The following SLX4 variants were observed in gnomAD, a reference collection of about 807,000 sequenced individuals.
SLX4 encodes the protein SLX4 structure-specific endonuclease subunit, also known as structure-specific endonuclease subunit SLX4.
A neutral mutation model predicts 146.2 loss-of-function variants in SLX4; 112 were observed. That is an observed-to-expected ratio of 0.77 (90% CI 0.66 to 0.90). The LOEUF (loss-of-function observed/expected upper bound fraction) is 0.90, where lower values mean the gene tolerates loss of function less well. SLX4 is among the 40% of genes least tolerant of loss of function. The pLI, the probability that SLX4 is intolerant of heterozygous loss-of-function variation, is 0.00. For synonymous variants in SLX4, 1,061 were observed against 997.7 expected (o/e 1.06, Z -1.20); for missense variants, 2,563 against 2,392.7 (o/e 1.07, Z -1.49).
rs923921244 is a variant in SLX4 at position 3,609,151 on chromosome 16, C to T, written c.-187G>A. 1 of 636,626 alleles carries T rather than the reference C, an allele frequency of 1.6e-6. No individual in the cohort carries two copies. The highest frequency in any genetic ancestry group is 2.7e-6 in the Non-Finnish European group (1 of 376,376). 39.4% of individuals were successfully genotyped at this position (636,626 alleles called of 1,614,324 possible). ...GGGCGCGGTGGCTCACACTTGTAAT[C>T]CCAGCTCTTTTGGAGGACGAGGCGG... On this transcript the variant is annotated 5_prime_UTR_variant, in exon 2 of 15. Transcript: ENST00000294008.
intron 5 of SLX4, among the ~76,000 whole-genome samples, chr16:3,599,698 C>T (rs1013111723): frequency 7.9e-5 from 12 of 152,144 alleles, no homozygotes; most frequent in Admixed American, 2.0e-4. Context: ...GTGATCCTTC[C>T]GCCTCAGCCT....
chr16:3,606,839 G>A, intron 2 of SLX4, 141 bp from the exon 3 acceptor site: 2 of 857,510 alleles, frequency 2.3e-6, no homozygotes, highest in Admixed American at 2.0e-5. Context: ...GAAGAGGACT[G>A]GTTGCTTGTT....
intron 4 of SLX4, 102 bp from the exon 5 acceptor site, chr16:3,601,293 G>A: frequency 1.6e-6 from 2 of 1,234,994 alleles, no homozygotes; most frequent in Non-Finnish European, 2.4e-6. Flanking sequence ...GTCAAAGCAA[G>A]TTCCCCAAAG....
chr16:3,597,293 C>T lies in SLX4; in HGVS notation c.1683+86G>A. ...CCTTTCCTTCCTGGACTTTCCATCA[C>T]CTGGCTGTGGGTACCCAGTGTTGCA... On this transcript the variant is annotated intron_variant, in intron 7 of 14. Transcript: ENST00000294008. This position sits in a 1 kb window ranked among gnomAD's most constrained non-coding sequence, Gnocchi z 4.4. 7.1e-7 allele frequency: 1 copy of T among 1,412,542 alleles called. No homozygotes were observed. The highest frequency in any genetic ancestry group is 9.4e-7 in the Non-Finnish European group (1 of 1,064,472). 87.5% of individuals were successfully genotyped at this position (1,412,542 alleles called of 1,614,324 possible). A position where few individuals can be genotyped will look rare whatever the true frequency, so the allele number is the denominator to read the frequency against.
chr16:3,589,864 G>C lies in SLX4; in HGVS notation c.3774C>G (p.Pro1258=). The C allele has an allele frequency of 1.9e-6, 3 of 1,613,332 alleles. No homozygotes were observed. The highest frequency in any genetic ancestry group is 2.5e-6 in the Non-Finnish European group (3 of 1,179,962). The change falls in exon 12 of 15, where the codon CCC becomes CCG. Residue 1258 remains proline, a synonymous_variant. Coordinates refer to ENST00000294008, the MANE Select transcript of SLX4 (RefSeq NM_032444.4). This position sits in a 1 kb window ranked among gnomAD's most constrained non-coding sequence, Gnocchi z 6.2. Reference sequence around the variant, plus strand: ...GGCTTCTGCTGGCCAGCGGGGTGGCGGGCACCAGCCACGAGGTGTCTGTGG... The same window carrying C: ...GGCTTCTGCTGGCCAGCGGGGTGGCCGGCACCAGCCACGAGGTGTCTGTGG... ...ASTTDTSWLV[P]ATPLASRSRD... is the part of the protein sequence containing the mutation.
intron 5 of SLX4, among the ~76,000 whole-genome samples, 188 bp from the exon 6 acceptor site, chr16:3,598,187 G>A (rs2040687836): frequency 6.6e-6 from 1 of 152,208 alleles, no homozygotes; most frequent in Admixed American, 6.5e-5. Context: ...AGTTCAACAT[G>A]GCCCAGGCAC....
intron 10 of SLX4, 43 bp from the exon 11 acceptor site, chr16:3,592,908 T>G (rs753345033): frequency 5.1e-6 from 8 of 1,581,430 alleles, no homozygotes; most frequent in Non-Finnish European, 6.9e-6. Flanking sequence ...GATCAGAGAG[T>G]TGTAACTTGG....
At chr16:3,583,537 G>T in intron 13 of SLX4, 27 bp from the exon 14 acceptor site, 1 of 1,613,378 alleles carries the variant, frequency 6.2e-7, no homozygotes, top group South Asian at 1.1e-5. Flanking sequence ...TGGATCTCAG[G>T]ACCCACCCAC....
chr16:3,592,998 C>T, intron 10 of SLX4, 133 bp from the exon 11 acceptor site: 2 of 883,306 alleles, frequency 2.3e-6, no homozygotes, highest in South Asian at 1.8e-5. Context: ...CTCCCCTTGT[C>T]ACCCAGGCTA....
chr16:3,595,462 TG>T (rs1225951034), intron 9 of SLX4, 142 bp downstream of exon 9: 6 of 883,622 alleles, frequency 6.8e-6, no homozygotes, highest in African/African-American at 1.7e-5. Flanking sequence ...TGTCAGGATG[TG>T]GCAGCCTTCT....
rs1258930171 is a variant in SLX4, at chr16:3,608,847, T to C, written c.118A>G (p.Thr40Ala). Reference sequence around the variant, plus strand: ...TCAGACTCATCCATCATCTGACCAGTTTTAAGGCTTTCAGGCTGGTCTTCA... The same window carrying C: ...TCAGACTCATCCATCATCTGACCAGCTTTAAGGCTTTCAGGCTGGTCTTCA... ...SSEDQPESLK[T>A]GQMMDESDED... Residue 40 changes from threonine to alanine, a missense_variant, in exon 2 of 15, where the codon ACT (threonine) becomes GCT (alanine). Transcript: ENST00000294008. 1.2e-6 allele frequency: 2 copies of C among 1,614,068 alleles called. No homozygotes were observed. Among genetic ancestry groups the C allele is most frequent in the Middle Eastern group, 3.3e-4 (2 of 6,060 alleles).
Position 3,590,841 on chromosome 16 carries a change from C to T in SLX4, c.2797G>A (p.Gly933Ser), listed in dbSNP as rs763053373. ...GCTCCCCGTGCCCCTGAGTGCTGGC[C>T]CTGGGGTGGCGGGAGAGCGCACTGT... is the stretch of plus-strand genomic sequence containing the variant. ...MGQCALPPPQ[G>S]QHSGARGAEA... Residue 933 changes from glycine (G) to serine (S), a missense_variant, in exon 12 of 15, where the codon GGC (glycine) becomes AGC (serine). Gly to Ser is a moderately conservative substitution (Grantham distance 56). Transcript: ENST00000294008. This position sits in a 1 kb window ranked among gnomAD's most constrained non-coding sequence, Gnocchi z 4.8. 1.2e-6 allele frequency: 2 copies of T among 1,614,098 alleles called. No homozygotes were observed. Among genetic ancestry groups the T allele is most frequent in the Non-Finnish European group, 1.7e-6 (2 of 1,180,006 alleles).
intron 5 of SLX4, among the ~76,000 whole-genome samples, chr16:3,598,991 C>T (rs2040698440): frequency 6.6e-6 from 1 of 152,230 alleles, no homozygotes; most frequent in Non-Finnish European, 1.5e-5. Flanking sequence ...TGAGGGCATC[C>T]AGCTCCTGTA....
intron 3 of SLX4, among the ~76,000 whole-genome samples, chr16:3,605,011 C>G (rs776171966): frequency 6.7e-6 from 1 of 150,150 alleles, no homozygotes; most frequent in Non-Finnish European, 1.5e-5. Flanking sequence ...AGCTCAACGT[C>G]CTGGGCTCAA....
Position 3,606,719 on chromosome 16 carries a change from C to T in SLX4, c.536-21G>A, listed in dbSNP as rs375785860. On this transcript the variant is annotated intron_variant, in intron 2 of 14. Coordinates refer to ENST00000294008, the MANE Select transcript of SLX4 (RefSeq NM_032444.4). ...ATTCTCTGGCAAGGAGGAAAATATT[C>T]ACAACCATCTGTTGTAGCTGGAGAA... The T allele has an allele frequency of 1.2e-5, 20 of 1,612,334 alleles. No individual in the cohort carries two copies. In the African/African-American group the frequency reaches 1.5e-4, roughly 12 times the overall value.
chr16:3,584,976 C>A, intron 12 of SLX4, 105 bp from the exon 13 acceptor site: 1 of 896,320 alleles, frequency 1.1e-6, no homozygotes, highest in East Asian at 2.4e-5. Flanking sequence ...GAAGATAACC[C>A]AAGCATCGTT....
At chr16:3,596,823 G>GT (rs559583897) in intron 7 of SLX4, among the ~76,000 whole-genome samples, 10,300 of 137,642 alleles carry the variant, frequency 0.075, 385 homozygotes, top group African/African-American at 0.082. Flanking sequence ...CTGGGACTCT[G>GT]TTTTTTTTTT....
intron 9 of SLX4, among the ~76,000 whole-genome samples, chr16:3,595,102 T>C (rs2040636014): frequency 6.6e-6 from 1 of 152,148 alleles, no homozygotes. Flanking sequence ...AGGTCCACTC[T>C]AGGGAAAAGC....
chr16:3,606,733 G>T, intron 2 of SLX4, 35 bp from the exon 3 acceptor site: 1 of 1,608,286 alleles, frequency 6.2e-7, no homozygotes, highest in Non-Finnish European at 8.5e-7. Flanking sequence ...ACCATCTGTT[G>T]TAGCTGGAGA....
Sources: gnomAD v4.1 joint callset for allele counts (sites outside exome capture counted in the v4.1 genomes callset) on GRCh38, gnomAD v4.1.1 for gene constraint, Gnocchi (gnomAD v3.1) non-coding constraint, MANE v1.5 for transcripts, NCBI Gene and HGNC (gene_info 2026-07-23, HGNC 2026-07-21) for gene names.